The following DNAI7 variants were observed in gnomAD, a reference collection of about 807,000 sequenced individuals.
DNAI7 encodes the protein dynein axonemal intermediate chain 7.
A neutral mutation model predicts 86.6 loss-of-function variants in DNAI7; 78 were observed. That is an observed-to-expected ratio of 0.90 (90% CI 0.75 to 1.09). DNAI7 has a LOEUF of 1.09. Ranked by LOEUF, DNAI7 falls within the 50% of genes least tolerant of loss-of-function variation. The pLI is 0.00. For missense variants in DNAI7, 753 were observed against 810.2 expected (o/e 0.93, Z 0.86); for synonymous variants, 274 against 273.0 (o/e 1.00, Z -0.04).
intron 2 of DNAI7, among the ~76,000 whole-genome samples, chr12:25,169,268 C>CTCCTGGCTCA (rs953208481): frequency 6.6e-6 from 1 of 152,112 alleles, no homozygotes; most frequent in Admixed American, 6.6e-5. Context: ...GAAATTCCTT[C>CTCCTGGCTCA]TCCTGGCTCA....
chr12:25,174,078 A>C (rs935257040), intron 2 of DNAI7, among the ~76,000 whole-genome samples: 7 of 148,410 alleles, frequency 4.7e-5, no homozygotes, highest in African/African-American at 1.7e-4. Flanking sequence ...GGCCATTTGT[A>C]TATCTTCTTT....
chr12:25,186,853 T>C (rs1469968493), intron 2 of DNAI7, among the ~76,000 whole-genome samples: 1 of 152,126 alleles, frequency 6.6e-6, no homozygotes, highest in Non-Finnish European at 1.5e-5. Flanking sequence ...TGAAGATTGA[T>C]TTCCATAAGA....
At chr12:25,120,585 GCGT>G (rs1277072829) in intron 11 of DNAI7, among the ~76,000 whole-genome samples, 1 of 152,036 alleles carries the variant, frequency 6.6e-6, no homozygotes, top group African/African-American at 2.4e-5. Flanking sequence ...AATTAGCCGG[GCGT>G]GGTAGCGGGC....
rs1275521503 is a variant in DNAI7, at chr12:25,133,062, TAATAA to T, written c.1003-9781_1003-9777del. Among the ~76,000 whole-genome samples, 3 of 152,246 alleles carry T rather than the reference TAATAA, an allele frequency of 2.0e-5. No homozygotes were observed. The East Asian group carries it at 5.8e-4, about 29-fold the overall frequency. On this transcript the variant is annotated intron_variant, in intron 9 of 15. Transcript: ENST00000395987. ...GTACGAAAGGTCTTCTTAGTAAAGA[TAATAA>T]AATAAGTTTCCTATATTCTGTTCAA...
At chr12:25,128,367 T>C (rs1459692981) in intron 9 of DNAI7, among the ~76,000 whole-genome samples, 1 of 152,212 alleles carries the variant, frequency 6.6e-6, no homozygotes, top group Non-Finnish European at 1.5e-5. Flanking sequence ...GGTCTACTGG[T>C]CTCATTCATT....
rs564335194 is a variant in DNAI7 at position 25,166,402 on chromosome 12, C to T, written c.22-5205G>A. On this transcript the variant is annotated intron_variant, in intron 2 of 15. Coordinates refer to ENST00000395987, the MANE Select transcript of DNAI7 (RefSeq NM_018272.5). Reference sequence around the variant, plus strand: ...TATTCTGTTCTGGATCTCAAACATGCTTTCTTTACTATTCCTTTGCACCCT... The same window carrying T: ...TATTCTGTTCTGGATCTCAAACATGTTTTCTTTACTATTCCTTTGCACCCT... Among the ~76,000 whole-genome samples, 4 of 152,260 alleles carry T rather than the reference C, an allele frequency of 2.6e-5. No homozygotes were observed. The East Asian group carries it at 7.7e-4, about 29-fold the overall frequency.
At chr12:25,107,912 T>C, downstream of DNAI7, 7 of 1,614,222 alleles carry the variant, frequency 4.3e-6, no homozygotes, top group Non-Finnish European at 5.9e-6. Context: ...ATTGTACTGT[T>C]TGCAGCTTTG....
chr12:25,165,357 C>CT (rs1203978574), intron 2 of DNAI7, among the ~76,000 whole-genome samples: 1 of 152,334 alleles, frequency 6.6e-6, no homozygotes, highest in Non-Finnish European at 1.5e-5. Context: ...CACACAAGAA[C>CT]TCCAAACGCC....
chr12:25,107,854 T>G, downstream of DNAI7: 4 of 1,613,952 alleles, frequency 2.5e-6, no homozygotes, highest in Non-Finnish European at 3.4e-6. Flanking sequence ...AAATCTCAAG[T>G]CCTCCATCAG....
At chr12:25,186,453 G>T (rs2141342849) in intron 2 of DNAI7, among the ~76,000 whole-genome samples, 1 of 152,086 alleles carries the variant, frequency 6.6e-6, no homozygotes, top group East Asian at 1.9e-4. Flanking sequence ...ACACTCTTTG[G>T]TACCATAATT....
chr12:25,175,497 C>A (rs193179034), intron 2 of DNAI7, among the ~76,000 whole-genome samples: 99 of 152,140 alleles, frequency 6.5e-4, no homozygotes, highest in African/African-American at 2.2e-3. Flanking sequence ...CAGGTGCCTG[C>A]CGCCACTCCA....
At chr12:25,124,032 T>TTGTGTGTTTGTGTG (rs1941714087) in intron 9 of DNAI7, among the ~76,000 whole-genome samples, 1 of 144,678 alleles carries the variant, frequency 6.9e-6, no homozygotes, top group Middle Eastern at 3.5e-3. Flanking sequence ...AGTATAAAAA[T>TTGTGTGTTTGTGTG]TGTGTGTGTG....
At chr12:25,178,818 G>A (rs907936688) in intron 2 of DNAI7, among the ~76,000 whole-genome samples, 1 of 152,152 alleles carries the variant, frequency 6.6e-6, no homozygotes, top group African/African-American at 2.4e-5. Flanking sequence ...AGACTTGAAG[G>A]ATATGAGGTT....
chr12:25,119,089 A>G, intron 12 of DNAI7, 56 bp downstream of exon 12: 9 of 1,427,792 alleles, frequency 6.3e-6, no homozygotes, highest in Non-Finnish European at 8.6e-6. Context: ...TTCTGTTTCA[A>G]CTTAAGGGTT....
chr12:25,161,229 T>C, intron 2 of DNAI7, 32 bp from the exon 3 acceptor site: 1 of 1,561,644 alleles, frequency 6.4e-7, no homozygotes, highest in Non-Finnish European at 8.8e-7. Flanking sequence ...AAAAAGGCTA[T>C]TAACATGCAA....
intron 9 of DNAI7, among the ~76,000 whole-genome samples, chr12:25,134,427 G>T (rs1264157539): frequency 7.5e-6 from 1 of 132,688 alleles, no homozygotes; most frequent in Non-Finnish European, 1.5e-5. Context: ...CACAATCTCG[G>T]CTCATTGCAA....
In DNAI7 at chr12:25,178,350, C is replaced by T. The variant is rs895095805; in HGVS notation, c.21+12264G>A. ...GTTTAATTTTTTTCTGGCTATTTGT[C>T]TAATTCATCTAAGTTTTCTAATATA... is the stretch of plus-strand genomic sequence containing the variant. On this transcript the variant is annotated intron_variant, in intron 2 of 15. Coordinates refer to ENST00000395987, the MANE Select transcript of DNAI7 (RefSeq NM_018272.5). Among the ~76,000 whole-genome samples the T allele has an allele frequency of 2.5e-4, 38 of 152,040 alleles. 1 individual carries two copies. The highest frequency in any genetic ancestry group is 2.4e-3 in the Admixed American group (36 of 15,252).
In DNAI7 at chr12:25,157,057, G is replaced by A. The variant is rs527319089; in HGVS notation, c.198+1415C>T. Among the ~76,000 whole-genome samples the A allele has an allele frequency of 2.6e-5, 4 of 152,280 alleles. No homozygotes were observed. The South Asian group carries it at 6.2e-4, about 24-fold the overall frequency. ...TAATCCCAGCACTTTGGGAGGCCGAGGCGGGTGGATCACGAGGTCAGGTGA... is the reference window on the plus strand; with the variant it reads ...TAATCCCAGCACTTTGGGAGGCCGAAGCGGGTGGATCACGAGGTCAGGTGA... On this transcript the variant is annotated intron_variant, in intron 4 of 15. Coordinates refer to ENST00000395987, the MANE Select transcript of DNAI7 (RefSeq NM_018272.5).
intron 2 of DNAI7, among the ~76,000 whole-genome samples, chr12:25,164,851 A>C (rs968535907): frequency 6.7e-6 from 1 of 150,358 alleles, no homozygotes; most frequent in Non-Finnish European, 1.5e-5. Context: ...CTCAGCCTCC[A>C]CTCCTCCACC....
Sources: gnomAD v4.1 joint callset for allele counts (sites outside exome capture counted in the v4.1 genomes callset) on GRCh38, gnomAD v4.1.1 for gene constraint, MANE v1.5 for transcripts, NCBI Gene and HGNC (gene_info 2026-07-23, HGNC 2026-07-21) for gene names.